CFAP206: variants seen among roughly 807,000 people sequenced by gnomAD.
The protein encoded by CFAP206 is cilia and flagella associated protein 206.
Under a neutral mutation model 65.4 loss-of-function variants are expected in CFAP206, and 53 were observed. The ratio of observed to expected loss-of-function variants is 0.81; its 90% CI spans 0.65 to 1.02. The LOEUF (loss-of-function observed/expected upper bound fraction) is 1.02, where lower values mean the gene tolerates loss of function less well. Among genes scored for constraint, CFAP206 ranks in the 50% least tolerant of loss-of-function variants. The pLI, the probability that CFAP206 is intolerant of heterozygous loss-of-function variation, is 0.00. For synonymous variants in CFAP206, 250 were observed against 254.4 expected (o/e 0.98, Z 0.17); for missense variants, 663 against 753.2 (o/e 0.88, Z 1.40).
At chr6:87,463,449 T>C (rs9450701) in intron 12 of CFAP206, among the ~76,000 whole-genome samples, 93,604 of 152,062 alleles carry the variant, frequency 0.62, 29,510 homozygotes, top group African/African-American at 0.75. Context: ...TTACTATAAG[T>C]GCAGCAACCT....
At chr6:87,450,681 A>G (rs182768832) in intron 11 of CFAP206, among the ~76,000 whole-genome samples, 213 of 151,700 alleles carry the variant, frequency 1.4e-3, no homozygotes, top group African/African-American at 5.0e-3. Flanking sequence ...AGGAACATCA[A>G]ATCAAACAAG....
intron 10 of CFAP206, 150 bp downstream of exon 10, chr6:87,431,323 C>A: frequency 1.3e-6 from 1 of 794,980 alleles, no homozygotes; most frequent in Non-Finnish European, 1.9e-6. Flanking sequence ...CAGACAAAGT[C>A]TTCATTTTGG....
At chr6:87,453,534 T>C (rs1014799230) in intron 11 of CFAP206, among the ~76,000 whole-genome samples, 2 of 152,056 alleles carry the variant, frequency 1.3e-5, no homozygotes, top group Admixed American at 1.3e-4. Flanking sequence ...TTTAAAGACA[T>C]AGTATAATAA....
chr6:87,459,768 A>T (rs1462534027), intron 11 of CFAP206, among the ~76,000 whole-genome samples: 1 of 152,198 alleles, frequency 6.6e-6, no homozygotes, highest in Admixed American at 6.5e-5. Context: ...TACCCCAAGG[A>T]CAGTGAAAGG....
At chr6:87,428,384 A>G (rs76730959) in intron 8 of CFAP206, among the ~76,000 whole-genome samples, 15,813 of 151,500 alleles carry the variant, frequency 0.1, 845 homozygotes, top group Non-Finnish European at 0.11. Flanking sequence ...TTGGCTTTTT[A>G]AAGTAAACTA....
At chr6:87,447,222 C>T (rs566270044) in intron 11 of CFAP206, among the ~76,000 whole-genome samples, 54 of 152,108 alleles carry the variant, frequency 3.6e-4, no homozygotes, top group African/African-American at 9.2e-4. Flanking sequence ...CTTCCAGTAC[C>T]GTGTTGAATA....
Position 87,418,435 on chromosome 6 carries a change from A to G in CFAP206, c.840+19A>G. The G allele has an allele frequency of 6.2e-7, 1 of 1,601,960 alleles. No homozygotes were observed. The highest frequency in any genetic ancestry group is 1.1e-5 in the South Asian group (1 of 90,808). On this transcript the variant is annotated intron_variant, in intron 7 of 12. Transcript: ENST00000369562. ...CATTTTGGTGAGTTAAGTTCATAAG[A>G]CCTGACCTTTTCTATATAATGCAAT...
chr6:87,430,966 G>A lies in CFAP206; in HGVS notation c.1160-67G>A, dbSNP rs113435202. The A allele has an allele frequency of 1.4e-3, 2,122 of 1,469,326 alleles. 26 individuals are homozygous for A. The African/African-American group carries it at 0.025, about 17-fold the overall frequency. 91.0% of individuals were successfully genotyped at this position (1,469,326 alleles called of 1,614,324 possible). On this transcript the variant is annotated intron_variant, in intron 9 of 12. Transcript: ENST00000369562. ...AAGGTAATGTTTAGAATGAGCTACTGCTGATTTATTTTGGAAATTTAACCT... is the reference window on the plus strand; with the variant it reads ...AAGGTAATGTTTAGAATGAGCTACTACTGATTTATTTTGGAAATTTAACCT...
intron 4 of CFAP206, among the ~76,000 whole-genome samples, chr6:87,414,959 G>C (rs1277285389): frequency 6.6e-6 from 1 of 152,130 alleles, no homozygotes; most frequent in Non-Finnish European, 1.5e-5. Context: ...TTTGTGGCAA[G>C]GGTATAGGTA....
At chr6:87,423,735 ACT>A (rs1767988933) in intron 7 of CFAP206, among the ~76,000 whole-genome samples, 2 of 152,044 alleles carry the variant, frequency 1.3e-5, no homozygotes, top group African/African-American at 4.8e-5. Context: ...GGGGGAAAAA[ACT>A]CTATGAGGGT....
At position 87,433,223 on chromosome 6, in the gene CFAP206, T is replaced by C. The variant is rs75184833; in HGVS notation, c.1301-1637T>C. 1.3e-3 allele frequency among the ~76,000 whole-genome samples: 194 copies of C among 152,332 alleles called. 2 individuals are homozygous for C. The highest frequency in any genetic ancestry group is 4.2e-3 in the African/African-American group (175 of 41,550). ...AATTGCACACTTCTTCCTTTTACTA[T>C]GTATTTAACCTGCTTTATTATTTTT... is the stretch of plus-strand genomic sequence containing the variant. On this transcript the variant is annotated intron_variant, in intron 10 of 12. Transcript: ENST00000369562.
intron 7 of CFAP206, among the ~76,000 whole-genome samples, chr6:87,425,225 A>G (rs1768018402): frequency 6.6e-6 from 1 of 152,196 alleles, no homozygotes; most frequent in Non-Finnish European, 1.5e-5. Context: ...TGTTATAAGA[A>G]GAAAAGAATA....
intron 11 of CFAP206, among the ~76,000 whole-genome samples, chr6:87,439,927 A>G (rs894915223): frequency 2.0e-5 from 3 of 152,138 alleles, no homozygotes; most frequent in African/African-American, 7.2e-5. Flanking sequence ...AAGTCTTGAT[A>G]TCTGGTAGAG....
At chr6:87,449,318 T>C (rs1768501461) in intron 11 of CFAP206, among the ~76,000 whole-genome samples, 1 of 151,230 alleles carries the variant, frequency 6.6e-6, no homozygotes, top group East Asian at 1.9e-4. Flanking sequence ...GTGCCTGTAG[T>C]CCCAGCTACT....
chr6:87,457,417 T>C (rs1768666292), intron 11 of CFAP206, among the ~76,000 whole-genome samples: 1 of 152,166 alleles, frequency 6.6e-6, no homozygotes, highest in Admixed American at 6.5e-5. Flanking sequence ...CTTCAAATTA[T>C]ACTACAGAGC....
chr6:87,439,176 C>A (rs1768325756), intron 11 of CFAP206, among the ~76,000 whole-genome samples: 1 of 152,100 alleles, frequency 6.6e-6, no homozygotes, highest in Non-Finnish European at 1.5e-5. Flanking sequence ...GGGGAATTTA[C>A]ATATTTATTA....
intron 10 of CFAP206, among the ~76,000 whole-genome samples, chr6:87,432,533 A>G (rs1465455388): frequency 7.3e-6 from 1 of 137,818 alleles, no homozygotes; most frequent in Non-Finnish European, 1.6e-5. Flanking sequence ...AGAAACACGG[A>G]TGTGGGGTGA....
At chr6:87,417,531 A>G (rs1767854133) in intron 6 of CFAP206, among the ~76,000 whole-genome samples, 1 of 150,290 alleles carries the variant, frequency 6.7e-6, no homozygotes, top group South Asian at 2.1e-4. Context: ...CACCATCCAG[A>G]TGAGTTTCTT....
At chr6:87,445,043 C>T (rs559152419) in intron 11 of CFAP206, 35 of 517,158 alleles carry the variant, frequency 6.8e-5, no homozygotes, top group African/African-American at 5.0e-4. Context: ...AGAGAGGATT[C>T]AGCTTGAAGG....
Sources: gnomAD v4.1 joint callset for allele counts (sites outside exome capture counted in the v4.1 genomes callset) on GRCh38, gnomAD v4.1.1 for gene constraint, MANE v1.5 for transcripts, NCBI Gene and HGNC (gene_info 2026-07-23, HGNC 2026-07-21) for gene names.